The following CSMD1 variants were observed in gnomAD, a reference collection of about 807,000 sequenced individuals.
CSMD1 encodes CUB and Sushi multiple domains 1.
CSMD1 carries 213 observed loss-of-function variants against 417.5 expected under a neutral mutation model. The observed-to-expected ratio is 0.51, with a 90% CI of 0.46 to 0.57. The LOEUF is 0.57. CSMD1 is among the 20% of genes least tolerant of loss of function. CSMD1 has a pLI of 0.00. For missense variants in CSMD1, 6,923 were observed against 4,529.7 expected (o/e 1.53, Z -15.17); for synonymous variants, 2,862 against 1,736.8 (o/e 1.65, Z -16.11).
intron 2 of CSMD1, among the ~76,000 whole-genome samples, chr8:4,601,346 C>A (rs1387160205): frequency 1.3e-5 from 2 of 152,268 alleles, no homozygotes; most frequent in South Asian, 2.1e-4. Context: ...AGAGGTGGAG[C>A]TGTACCAGGG....
intron 5 of CSMD1, among the ~76,000 whole-genome samples, chr8:3,821,792 A>T (rs1401325130): frequency 1.3e-5 from 2 of 151,920 alleles, no homozygotes; most frequent in African/African-American, 4.8e-5. Flanking sequence ...AAAAAAACAA[A>T]CAAGCAAACA....
chr8:4,219,774 T>A (rs1800916231), intron 3 of CSMD1, among the ~76,000 whole-genome samples: 1 of 152,318 alleles, frequency 6.6e-6, no homozygotes, highest in Non-Finnish European at 1.5e-5. Context: ...ATATTTTTAA[T>A]GTCACCAGAT....
chr8:3,734,314 T>C (rs1796415448), intron 6 of CSMD1, among the ~76,000 whole-genome samples: 1 of 152,338 alleles, frequency 6.6e-6, no homozygotes, highest in East Asian at 1.9e-4. Context: ...CTGCATCTTA[T>C]TTATTACTGA....
At chr8:4,458,502 A>C in intron 2 of CSMD1, among the ~76,000 whole-genome samples, 1 of 152,182 alleles carries the variant, frequency 6.6e-6, no homozygotes, top group East Asian at 1.9e-4. Flanking sequence ...TGAGAAATAG[A>C]TGAAAATTCT....
intron 3 of CSMD1, among the ~76,000 whole-genome samples, chr8:4,172,405 C>G (rs568008737): frequency 6.6e-6 from 1 of 152,124 alleles, no homozygotes; most frequent in African/African-American, 2.4e-5. Context: ...GCCAGTGGGT[C>G]TCATGGCTCC....
At chr8:3,079,178 C>T (rs1321784536) in intron 49 of CSMD1, among the ~76,000 whole-genome samples, 1 of 152,152 alleles carries the variant, frequency 6.6e-6, no homozygotes, top group African/African-American at 2.4e-5. Flanking sequence ...TAAGCAAGGG[C>T]AACTGGGATA....
At chr8:3,191,329 G>A (rs748162981) in intron 33 of CSMD1, among the ~76,000 whole-genome samples, 1 of 152,254 alleles carries the variant, frequency 6.6e-6, no homozygotes, top group Admixed American at 6.5e-5. Context: ...GGTGGCACAT[G>A]TCTGTAATCC....
chr8:3,032,419 C>T lies in CSMD1; in HGVS notation c.7661-2906G>A, dbSNP rs143874394. Among the ~76,000 whole-genome samples, 910 of 152,116 alleles carry T rather than the reference C, an allele frequency of 6.0e-3. 8 individuals carry two copies. The highest frequency in any genetic ancestry group is 0.021 in the African/African-American group (853 of 41,532). On this transcript the variant is annotated intron_variant, in intron 50 of 69. Transcript: ENST00000635120. ...ATGCACCCCTGCGTTCATACAAAAA[C>T]AGTGCCAACAGCCCCCACGGAATGG...
chr8:4,990,827 A>G (rs762752532), intron 1 of CSMD1, among the ~76,000 whole-genome samples: 2 of 152,196 alleles, frequency 1.3e-5, no homozygotes, highest in Non-Finnish European at 1.5e-5. Flanking sequence ...TGAGTCTTTA[A>G]TAAGGTAACT....
chr8:4,679,275 T>C (rs761172779), intron 1 of CSMD1, among the ~76,000 whole-genome samples: 22 of 152,110 alleles, frequency 1.4e-4, no homozygotes, highest in Non-Finnish European at 2.8e-4. Flanking sequence ...CCCGAGAAGG[T>C]AGCTTGACCT....
At chr8:4,478,070 T>C (rs1185212660) in intron 2 of CSMD1, among the ~76,000 whole-genome samples, 2 of 152,106 alleles carry the variant, frequency 1.3e-5, no homozygotes, top group Non-Finnish European at 2.9e-5. Flanking sequence ...TTAAAACTGA[T>C]TTTAACCTGT....
At chr8:4,232,600 C>G (rs146608705) in intron 3 of CSMD1, among the ~76,000 whole-genome samples, 1 of 152,188 alleles carries the variant, frequency 6.6e-6, no homozygotes, top group Non-Finnish European at 1.5e-5. Context: ...ATCCTAACCA[C>G]AGTGTCATGT....
At chr8:3,087,760 G>C (rs759917950) in intron 48 of CSMD1, among the ~76,000 whole-genome samples, 2 of 152,184 alleles carry the variant, frequency 1.3e-5, no homozygotes, top group African/African-American at 2.4e-5. Context: ...AGGTTGACTT[G>C]GTCTAGAGGG....
chr8:4,190,356 C>T (rs888973178), intron 3 of CSMD1, among the ~76,000 whole-genome samples: 9 of 151,716 alleles, frequency 5.9e-5, no homozygotes, highest in African/African-American at 1.9e-4. Flanking sequence ...CTTCTAACAG[C>T]CTCAGTTTCC....
At chr8:4,883,147 A>G (rs1455265936) in intron 1 of CSMD1, among the ~76,000 whole-genome samples, 1 of 152,102 alleles carries the variant, frequency 6.6e-6, no homozygotes, top group Non-Finnish European at 1.5e-5. Context: ...CAATATCGCA[A>G]TGGGGCATCG....
intron 59 of CSMD1, among the ~76,000 whole-genome samples, chr8:2,964,941 C>T (rs774755396): frequency 3.3e-5 from 5 of 152,098 alleles, no homozygotes; most frequent in Non-Finnish European, 4.4e-5. Flanking sequence ...TCCTAACTCT[C>T]CCTCCCTCAG....
chr8:3,560,197 C>A (rs1445823272), intron 10 of CSMD1, among the ~76,000 whole-genome samples: 1 of 151,926 alleles, frequency 6.6e-6, no homozygotes, highest in African/African-American at 2.4e-5. Context: ...TAATGGAATG[C>A]AAAGAAATTC....
At chr8:4,850,666 A>G (rs1365719344) in intron 1 of CSMD1, among the ~76,000 whole-genome samples, 1 of 150,936 alleles carries the variant, frequency 6.6e-6, no homozygotes, top group Non-Finnish European at 1.5e-5. Flanking sequence ...CTTGCTCCTT[A>G]CCCCCTTAGC....
rs73661528 is a variant in CSMD1 at position 4,555,301 on chromosome 8, G to A, written c.302+82041C>T. On this transcript the variant is annotated intron_variant, in intron 2 of 69. Transcript: ENST00000635120. ...TGCCAGAAAAAAGACAGGTGCAGTG[G>A]CATGTTTGGGAGATGCTCAGAAGGA... is the stretch of plus-strand genomic sequence containing the variant. Among the ~76,000 whole-genome samples, 1,338 of 152,266 alleles carry A rather than the reference G, an allele frequency of 8.8e-3. 17 individuals carry two copies. The highest frequency in any genetic ancestry group is 0.03 in the African/African-American group (1,266 of 41,544).
Sources: allele counts gnomAD v4.1 joint callset (sites outside exome capture counted in the v4.1 genomes callset), GRCh38; gene constraint gnomAD v4.1.1; transcripts MANE v1.5; gene names NCBI Gene and HGNC (gene_info 2026-07-23, HGNC 2026-07-21).